The following IRAK4 variants were observed in gnomAD, a reference collection of about 807,000 sequenced individuals.
IRAK4 encodes the protein interleukin-1 receptor-associated kinase 4.
A neutral mutation model predicts 51.8 loss-of-function variants in IRAK4; 44 were observed. That is an observed-to-expected ratio of 0.85 (90% CI 0.67 to 1.09). The LOEUF (loss-of-function observed/expected upper bound fraction) is 1.09, where lower values mean the gene tolerates loss of function less well. IRAK4 is among the 50% of genes least tolerant of loss of function. IRAK4 has a pLI of 0.00. For synonymous variants in IRAK4, 149 were observed against 174.1 expected (o/e 0.86, Z 1.13); for missense variants, 487 against 538.0 (o/e 0.91, Z 0.94).
At chr12:43,785,466 A>G (rs868788527) in intron 10 of IRAK4, among the ~76,000 whole-genome samples, 5 of 152,106 alleles carry the variant, frequency 3.3e-5, no homozygotes, top group Non-Finnish European at 5.9e-5. Context: ...AAGCACATCA[A>G]GAAGCAGACC....
At chr12:43,768,613 AATGTCT>A in intron 2 of IRAK4, 1 of 192,530 alleles carries the variant, frequency 5.2e-6, no homozygotes. Context: ...ATGTTACAAG[AATGTCT>A]GGTAAAAATC....
intron 2 of IRAK4, 86 bp from the exon 3 acceptor site, chr12:43,771,134 T>C (rs1400516499): frequency 1.9e-5 from 22 of 1,151,660 alleles, no homozygotes; most frequent in Admixed American, 1.7e-4. Flanking sequence ...ATTTATAAAT[T>C]ACCCTGTCTG....
chr12:43,762,256 A>AG (rs930877545), intron 1 of IRAK4, among the ~76,000 whole-genome samples: 3 of 152,108 alleles, frequency 2.0e-5, no homozygotes, highest in African/African-American at 7.2e-5. Flanking sequence ...GAGGAGTTGC[A>AG]GAAGGCCTTC....
rs572719034 is a variant in IRAK4 at position 43,771,246 on chromosome 12, G to C, written c.188G>C (p.Gly63Ala). 1.9e-6 allele frequency: 3 copies of C among 1,613,858 alleles called. No individual in the cohort carries two copies. The African/African-American group carries it at 4.0e-5, about 22-fold the overall frequency. Residue 63 changes from glycine (G) to alanine (A), a missense_variant, in exon 3 of 12, where the codon GGA (glycine) becomes GCA (alanine). Coordinates refer to ENST00000613694, the MANE Select transcript of IRAK4 (RefSeq NM_016123.4). Reference protein sequence around the residue: ...IRRFEALLQTGKSPTSELLFD... With the variant: ...IRRFEALLQTAKSPTSELLFD... ...AGATTTGAAGCATTACTTCAAACTG[G>C]AAAAAGTCCCACTTCTGAATTACTG...
At chr12:43,769,142 T>C (rs1940479445) in intron 2 of IRAK4, among the ~76,000 whole-genome samples, 1 of 152,046 alleles carries the variant, frequency 6.6e-6, no homozygotes, top group Non-Finnish European at 1.5e-5. Flanking sequence ...AAAGCTCTTC[T>C]CTTTTTTTTT....
intron 2 of IRAK4, among the ~76,000 whole-genome samples, chr12:43,770,535 T>C (rs1168697632): frequency 6.6e-6 from 1 of 152,224 alleles, no homozygotes; most frequent in Non-Finnish European, 1.5e-5. Context: ...AACATGCTCA[T>C]GTGTGTGCAT....
chr12:43,762,179 G>T (rs1939632215), intron 1 of IRAK4, among the ~76,000 whole-genome samples: 1 of 152,192 alleles, frequency 6.6e-6, no homozygotes, highest in Admixed American at 6.5e-5. Context: ...GTTGGGAGTG[G>T]TATATGAATA....
chr12:43,781,329 G>T (rs1237343698), intron 8 of IRAK4, among the ~76,000 whole-genome samples: 1 of 152,096 alleles, frequency 6.6e-6, no homozygotes, highest in Non-Finnish European at 1.5e-5. Context: ...CTAGGTCATG[G>T]TCCTAAAAGT....
intron 11 of IRAK4, 36 bp downstream of exon 11, chr12:43,786,593 G>A: frequency 1.2e-6 from 2 of 1,608,312 alleles, no homozygotes; most frequent in South Asian, 1.1e-5. Context: ...AAAGTGAAAG[G>A]GGTGGGGTTC....
At chr12:43,785,638 TTA>T (rs202111217) in intron 10 of IRAK4, among the ~76,000 whole-genome samples, 18 of 145,362 alleles carry the variant, frequency 1.2e-4, no homozygotes, top group African/African-American at 2.0e-4. Context: ...ATATATATAT[TTA>T]TATATATATA....
At position 43,771,464 on chromosome 12, in the gene IRAK4, A is replaced by G. The variant is rs368094266; in HGVS notation, c.307+99A>G. 1,565 of 1,269,108 alleles carry G rather than the reference A, an allele frequency of 1.2e-3. 26 individuals are homozygous for G. The South Asian group carries it at 0.019, about 15-fold the overall frequency. The allele number at this position is 1,269,108 out of a possible 1,614,324, so 78.6% of individuals were successfully genotyped here. A position where few individuals can be genotyped will look rare whatever the true frequency, so the allele number is the denominator to read the frequency against. ...TACTCTTCCTTTTTTCTCATAGTAGATGAAGCTTACATTTGAGAGTCCCTT... is the reference window on the plus strand; with the variant it reads ...TACTCTTCCTTTTTTCTCATAGTAGGTGAAGCTTACATTTGAGAGTCCCTT... On this transcript the variant is annotated intron_variant, in intron 3 of 11. Coordinates refer to ENST00000613694, the MANE Select transcript of IRAK4 (RefSeq NM_016123.4).
At chr12:43,764,283 G>T (rs1001619193) in intron 1 of IRAK4, among the ~76,000 whole-genome samples, 9 of 152,146 alleles carry the variant, frequency 5.9e-5, no homozygotes, top group Admixed American at 2.6e-4. Context: ...AATTAGCTGG[G>T]TGTGGTGGTG....
chr12:43,789,239 C>G lies in IRAK4; in HGVS notation c.*2524C>G, dbSNP rs1942405805. 1 of 152,072 alleles carries G rather than the reference C, an allele frequency of 6.6e-6. No individual in the cohort carries two copies. Among genetic ancestry groups the G allele is most frequent in the Non-Finnish European group, 1.5e-5 (1 of 68,022 alleles). 9.4% of individuals were successfully genotyped at this position (152,072 alleles called of 1,614,324 possible). ...ATGGTGGATGATCCCTCATGAATGG[C>G]TTAGAGCCACTGGTGATGAGTGAGT... is the stretch of plus-strand genomic sequence containing the variant. On this transcript the variant is annotated 3_prime_UTR_variant, in exon 12 of 12. Coordinates refer to ENST00000613694, the MANE Select transcript of IRAK4 (RefSeq NM_016123.4).
chr12:43,785,775 C>T (rs1411439541), intron 10 of IRAK4, among the ~76,000 whole-genome samples: 2 of 151,662 alleles, frequency 1.3e-5, no homozygotes, highest in Non-Finnish European at 2.9e-5. Flanking sequence ...ATATGACCTA[C>T]GACATACCTG....
chr12:43,777,789 C>T (rs529118323), intron 7 of IRAK4, 45 bp downstream of exon 7: 2 of 1,401,980 alleles, frequency 1.4e-6, no homozygotes, highest in South Asian at 1.2e-5. Flanking sequence ...TGTTTATATG[C>T]TGGAATATTA....
At chr12:43,760,134 TC>T (rs751832322) in intron 1 of IRAK4, among the ~76,000 whole-genome samples, 13 of 152,200 alleles carry the variant, frequency 8.5e-5, no homozygotes, top group East Asian at 1.9e-4. Flanking sequence ...CTTCTGATAT[TC>T]CAGGCCAAAC....
intron 9 of IRAK4, among the ~76,000 whole-genome samples, chr12:43,782,858 G>C (rs1383912738): frequency 6.6e-6 from 1 of 152,158 alleles, no homozygotes; most frequent in Admixed American, 6.5e-5. Context: ...AGATAGGTGT[G>C]GGTGGTTGAA....
At chr12:43,785,407 G>C (rs4251535) in intron 10 of IRAK4, among the ~76,000 whole-genome samples, 16,374 of 151,346 alleles carry the variant, frequency 0.11, 1,343 homozygotes, top group African/African-American at 0.22. Context: ...AAATTTGTTG[G>C]GTACAGGGAG....
At chr12:43,781,446 G>C (rs1941772684) in intron 8 of IRAK4, among the ~76,000 whole-genome samples, 1 of 152,168 alleles carries the variant, frequency 6.6e-6, no homozygotes, top group South Asian at 2.1e-4. Flanking sequence ...CTCGTTCCTT[G>C]AAGTTGACCA....
Sources: allele counts gnomAD v4.1 joint callset (sites outside exome capture counted in the v4.1 genomes callset), GRCh38; gene constraint gnomAD v4.1.1; transcripts MANE v1.5; gene names NCBI Gene and HGNC (gene_info 2026-07-23, HGNC 2026-07-21).